Variants in KCTD8 observed in about 807,000 individuals in gnomAD.
The protein encoded by KCTD8 is BTB/POZ domain-containing protein KCTD8.
In KCTD8, 27 loss-of-function variants were observed where a neutral mutation model predicts 31.5. The observed-to-expected ratio is 0.86, with a 90% CI of 0.63 to 1.18. The LOEUF (loss-of-function observed/expected upper bound fraction) is 1.18, where lower values mean the gene tolerates loss of function less well. Ranked by LOEUF, KCTD8 falls within the 50% of genes most tolerant of loss-of-function variation. The pLI is 0.00. For synonymous variants in KCTD8, 290 were observed against 280.0 expected (o/e 1.04, Z -0.36); for missense variants, 658 against 647.7 (o/e 1.02, Z -0.17).
At chr4:44,248,347 G>C (rs972077882) in intron 1 of KCTD8, among the ~76,000 whole-genome samples, 1 of 150,182 alleles carries the variant, frequency 6.7e-6, no homozygotes, top group African/African-American at 2.4e-5. Context: ...CCCAACAACA[G>C]GAGACTTGCT....
intron 1 of KCTD8, among the ~76,000 whole-genome samples, chr4:44,330,714 C>T (rs1718571561): frequency 6.6e-6 from 1 of 151,664 alleles, no homozygotes; most frequent in Non-Finnish European, 1.5e-5. Flanking sequence ...AAAAAGGTTG[C>T]TATAAAAATT....
At chr4:44,311,981 T>A (rs1238398422) in intron 1 of KCTD8, among the ~76,000 whole-genome samples, 2 of 151,480 alleles carry the variant, frequency 1.3e-5, no homozygotes, top group Admixed American at 6.6e-5. Flanking sequence ...AAATAAAGAA[T>A]CATAATTATT....
At chr4:44,299,301 C>A (rs1717534058) in intron 1 of KCTD8, among the ~76,000 whole-genome samples, 2 of 152,124 alleles carry the variant, frequency 1.3e-5, no homozygotes, top group South Asian at 4.1e-4. Flanking sequence ...AGCAGGTATG[C>A]CATCATATTT....
intron 1 of KCTD8, among the ~76,000 whole-genome samples, chr4:44,222,291 G>C (rs566915881): frequency 6.6e-6 from 1 of 152,266 alleles, no homozygotes; most frequent in East Asian, 1.9e-4. Context: ...CAGCCAGACT[G>C]GCAGTCAGGA....
intron 1 of KCTD8, among the ~76,000 whole-genome samples, chr4:44,274,332 A>G (rs1384315040): frequency 6.6e-6 from 1 of 151,908 alleles, no homozygotes; most frequent in African/African-American, 2.4e-5. Flanking sequence ...TAATCAACTT[A>G]ATTTGATATT....
intron 1 of KCTD8, among the ~76,000 whole-genome samples, chr4:44,338,316 A>AACAGT (rs1450682567): frequency 1.6e-4 from 24 of 152,324 alleles, no homozygotes; most frequent in African/African-American, 4.8e-4. Flanking sequence ...CTGTTTTGTA[A>AACAGT]AATCCATAAT....
At chr4:44,231,584 T>C (rs1424503931) in intron 1 of KCTD8, among the ~76,000 whole-genome samples, 1 of 152,306 alleles carries the variant, frequency 6.6e-6, no homozygotes, top group East Asian at 1.9e-4. Flanking sequence ...AATGTTGTCT[T>C]TGAATATGTA....
Position 44,312,432 on chromosome 4 carries a change from G to A in KCTD8, c.961+135131C>T, listed in dbSNP as rs1207826751. Among the ~76,000 whole-genome samples the A allele has an allele frequency of 3.3e-5, 5 of 152,156 alleles. No homozygotes were observed. The East Asian group carries it at 9.7e-4, about 29-fold the overall frequency. On this transcript the variant is annotated intron_variant, in intron 1 of 1. Coordinates refer to ENST00000360029, the MANE Select transcript of KCTD8 (RefSeq NM_198353.3). ...GAAGACACGATTAATACTGATGTTG[G>A]TCTTTTGTTTTTCCTTTCCATCATT... is the stretch of plus-strand genomic sequence containing the variant.
At chr4:44,293,822 G>A (rs13117500) in intron 1 of KCTD8, 99,969 of 451,656 alleles carry the variant, frequency 0.22, 11,439 homozygotes, top group East Asian at 0.29. Flanking sequence ...CAAAGACATC[G>A]TCAGAGAACC....
chr4:44,215,820 G>A (rs1714630859), intron 1 of KCTD8, among the ~76,000 whole-genome samples: 1 of 152,152 alleles, frequency 6.6e-6, no homozygotes, highest in Non-Finnish European at 1.5e-5. Flanking sequence ...GCTCAAACAT[G>A]TGAAAAGAGC....
At chr4:44,370,993 C>T (rs1393145495) in intron 1 of KCTD8, among the ~76,000 whole-genome samples, 2 of 152,018 alleles carry the variant, frequency 1.3e-5, no homozygotes, top group Non-Finnish European at 2.9e-5. Flanking sequence ...AATTTGCTGT[C>T]TGCAAGCTGA....
chr4:44,299,946 T>A (rs1684363872), intron 1 of KCTD8, among the ~76,000 whole-genome samples: 1 of 151,654 alleles, frequency 6.6e-6, no homozygotes. Flanking sequence ...AGAGACGGGG[T>A]TTCGCTGTGT....
At chr4:44,439,711 C>T (rs1012986487) in intron 1 of KCTD8, among the ~76,000 whole-genome samples, 4 of 151,906 alleles carry the variant, frequency 2.6e-5, no homozygotes, top group Non-Finnish European at 5.9e-5. Flanking sequence ...CAGATACTTC[C>T]TACATTTAAT....
chr4:44,319,874 T>C (rs931174987), intron 1 of KCTD8, among the ~76,000 whole-genome samples: 3 of 152,040 alleles, frequency 2.0e-5, no homozygotes, highest in African/African-American at 4.8e-5. Context: ...GGAGCCATTA[T>C]AGAACTGAGA....
At chr4:44,393,500 A>G (rs1471950559) in intron 1 of KCTD8, among the ~76,000 whole-genome samples, 2 of 151,670 alleles carry the variant, frequency 1.3e-5, no homozygotes, top group Non-Finnish European at 2.9e-5. Flanking sequence ...TCCAAACAGA[A>G]CAACTATGAA....
intron 1 of KCTD8, among the ~76,000 whole-genome samples, chr4:44,224,228 T>G (rs1714884612): frequency 6.6e-6 from 1 of 152,230 alleles, no homozygotes; most frequent in Non-Finnish European, 1.5e-5. Flanking sequence ...ATACTTATTC[T>G]GGTACTCAAA....
intron 1 of KCTD8, among the ~76,000 whole-genome samples, chr4:44,212,430 A>C (rs1275858897): frequency 6.6e-6 from 1 of 152,178 alleles, no homozygotes; most frequent in African/African-American, 2.4e-5. Context: ...GCATATACCA[A>C]AATCTATACA....
chr4:44,333,648 T>C (rs1017754438), intron 1 of KCTD8, among the ~76,000 whole-genome samples: 16 of 152,112 alleles, frequency 1.1e-4, no homozygotes, highest in African/African-American at 3.9e-4. Flanking sequence ...ATCATTTTTA[T>C]CTGGTAATAG....
At chr4:44,346,552 A>C (rs894420474) in intron 1 of KCTD8, among the ~76,000 whole-genome samples, 2 of 152,188 alleles carry the variant, frequency 1.3e-5, no homozygotes, top group Non-Finnish European at 2.9e-5. Flanking sequence ...GCCAGAGGTT[A>C]TTTTTATTGG....
Sources: allele counts gnomAD v4.1 joint callset (sites outside exome capture counted in the v4.1 genomes callset), GRCh38; gene constraint gnomAD v4.1.1; transcripts MANE v1.5; gene names NCBI Gene and HGNC (gene_info 2026-07-23, HGNC 2026-07-21).